The following TMOD2 variants were observed in gnomAD, a reference collection of about 807,000 sequenced individuals.
TMOD2 encodes tropomodulin-2.
In TMOD2, 22 loss-of-function variants were observed where a neutral mutation model predicts 39.9. That is an observed-to-expected ratio of 0.55 (90% confidence interval 0.39 to 0.79). The LOEUF (loss-of-function observed/expected upper bound fraction) is 0.79. TMOD2 is among the 30% of genes least tolerant of loss of function. TMOD2 has a pLI of 0.00. For missense variants in TMOD2, 386 were observed against 413.3 expected (o/e 0.93, Z 0.57); for synonymous variants, 123 against 146.1 (o/e 0.84, Z 1.14).
At position 51,812,790 on chromosome 15, in the gene TMOD2, A is replaced by G. The variant is rs2056164476; in HGVS notation, c.*4336A>G. On this transcript the variant is annotated 3_prime_UTR_variant, in exon 10 of 10. Transcript: ENST00000249700. The stretch of plus-strand genomic sequence containing the variant: ...GCTTCCTTCCCCTCTTCCACTAATG[A>G]TGCAATAATAGCTGTTTTCATTTTA... The G allele has an allele frequency of 6.6e-6, 1 of 152,190 alleles. No individual in the cohort carries two copies. The highest frequency in any genetic ancestry group is 6.5e-5 in the Admixed American group (1 of 15,274). The allele number at this position is 152,190 out of a possible 1,614,324, so 9.4% of individuals were successfully genotyped here. A position where few individuals can be genotyped will look rare whatever the true frequency, so the allele number is the denominator to read the frequency against.
intron 1 of TMOD2, among the ~76,000 whole-genome samples, chr15:51,754,514 G>A (rs923758628): frequency 6.6e-6 from 1 of 152,152 alleles, no homozygotes; most frequent in African/African-American, 2.4e-5. Flanking sequence ...TCTCTTACAC[G>A]GAATCCCTTG....
chr15:51,778,489 TAATAAAA>T (rs1337968963), intron 5 of TMOD2, among the ~76,000 whole-genome samples: 1 of 127,222 alleles, frequency 7.9e-6, no homozygotes, highest in Non-Finnish European at 1.6e-5. Flanking sequence ...AGTATAATAA[TAATAAAA>T]AATTAAAAAT....
intron 1 of TMOD2, among the ~76,000 whole-genome samples, chr15:51,760,117 C>A (rs577171455): frequency 6.6e-6 from 1 of 152,322 alleles, no homozygotes; most frequent in African/African-American, 2.4e-5. Flanking sequence ...ACAGCCAGAA[C>A]AATCATCCTG....
At chr15:51,781,707 A>G (rs893691016) in intron 6 of TMOD2, among the ~76,000 whole-genome samples, 3 of 152,180 alleles carry the variant, frequency 2.0e-5, no homozygotes, top group Non-Finnish European at 4.4e-5. Flanking sequence ...AGGAAGCCAC[A>G]ATACCTGTTA....
chr15:51,763,674 T>C (rs2055797054), intron 1 of TMOD2, among the ~76,000 whole-genome samples: 1 of 152,206 alleles, frequency 6.6e-6, no homozygotes, highest in South Asian at 2.1e-4. Flanking sequence ...GCTTTCTAAA[T>C]TTTAAAAGAG....
At chr15:51,780,551 T>C (rs1050382181) in intron 5 of TMOD2, among the ~76,000 whole-genome samples, 1 of 152,212 alleles carries the variant, frequency 6.6e-6, no homozygotes, top group African/African-American at 2.4e-5. Context: ...TCCATTCTTC[T>C]TTTTTATCCC....
chr15:51,802,444 G>A (rs1181341355), intron 8 of TMOD2, among the ~76,000 whole-genome samples: 1 of 152,180 alleles, frequency 6.6e-6, no homozygotes, highest in Non-Finnish European at 1.5e-5. Context: ...GTGTGGATTT[G>A]TCTTTTATTG....
intron 2 of TMOD2, among the ~76,000 whole-genome samples, 173 bp from the exon 3 acceptor site, chr15:51,768,089 A>T (rs1316824907): frequency 6.6e-6 from 1 of 152,206 alleles, no homozygotes; most frequent in Non-Finnish European, 1.5e-5. Context: ...TGAACATTAT[A>T]ACAAATAGGG....
chr15:51,761,768 T>C (rs2055782514), intron 1 of TMOD2, among the ~76,000 whole-genome samples: 1 of 151,600 alleles, frequency 6.6e-6, no homozygotes, highest in Non-Finnish European at 1.5e-5. Context: ...AACTCTAAGA[T>C]ACCATTGATT....
At chr15:51,773,870 T>C (rs758435252) in intron 4 of TMOD2, 36 bp downstream of exon 4, 2 of 1,580,430 alleles carry the variant, frequency 1.3e-6, no homozygotes, top group East Asian at 2.2e-5. Flanking sequence ...CCTGTCTGGC[T>C]CTATGACCTC....
At chr15:51,752,191 T>A (rs966151512) in intron 1 of TMOD2, among the ~76,000 whole-genome samples, 2 of 152,148 alleles carry the variant, frequency 1.3e-5, no homozygotes, top group Non-Finnish European at 2.9e-5. Flanking sequence ...CTGAGATCGC[T>A]GGAGCTGTCA....
intron 8 of TMOD2, among the ~76,000 whole-genome samples, chr15:51,799,933 T>C (rs1013701858): frequency 1.3e-5 from 2 of 152,170 alleles, no homozygotes; most frequent in Non-Finnish European, 2.9e-5. Context: ...TGAAACCCCA[T>C]ATCTGAAATA....
intron 8 of TMOD2, among the ~76,000 whole-genome samples, chr15:51,801,233 T>TCACACACACACACACACACA (rs1334489026): frequency 1.0e-5 from 1 of 97,086 alleles, no homozygotes; most frequent in African/African-American, 4.5e-5. Context: ...TCTCTCTCTC[T>TCACACACACACACACACACA]CTCTCACACA....
rs80259836 is a variant in TMOD2, at chr15:51,760,511, A to G, written c.-69-5862A>G. ...TCCAAAATGGTCTTTCTATTTTTAAATCCTTAATCTGGGCTGGGCGTGGTG... is the reference window on the plus strand; with the variant it reads ...TCCAAAATGGTCTTTCTATTTTTAAGTCCTTAATCTGGGCTGGGCGTGGTG... On this transcript the variant is annotated intron_variant, in intron 1 of 9. Coordinates refer to ENST00000249700, the MANE Select transcript of TMOD2 (RefSeq NM_014548.4). Among the ~76,000 whole-genome samples the G allele has an allele frequency of 8.5e-3, 1,300 of 152,356 alleles. 17 individuals carry two copies. Among genetic ancestry groups the G allele is most frequent in the African/African-American group, 0.03 (1,252 of 41,584 alleles).
intron 4 of TMOD2, among the ~76,000 whole-genome samples, chr15:51,776,423 C>T (rs1234989552): frequency 6.6e-6 from 1 of 152,160 alleles, no homozygotes; most frequent in Non-Finnish European, 1.5e-5. Flanking sequence ...GCTTAGCTGA[C>T]CTTTTCTTTG....
chr15:51,762,847 G>C (rs2055790591), intron 1 of TMOD2, among the ~76,000 whole-genome samples: 2 of 152,050 alleles, frequency 1.3e-5, no homozygotes, highest in Non-Finnish European at 1.5e-5. Flanking sequence ...TTATTTTGAG[G>C]TTCATCCATG....
chr15:51,811,092 G>A lies in TMOD2; in HGVS notation c.*2638G>A, dbSNP rs1391794795. On this transcript the variant is annotated 3_prime_UTR_variant, in exon 10 of 10. Transcript: ENST00000249700. ...TCTTATTACCTGTGTTTTTAAAGTG[G>A]CTTGAAAGGTGGCATTTCCATGAGT... The A allele has an allele frequency of 1.3e-5, 2 of 152,024 alleles. No homozygotes were observed. The highest frequency in any genetic ancestry group is 2.4e-5 in the African/African-American group (1 of 41,382). The allele number at this position is 152,024 out of a possible 1,614,324, so 9.4% of individuals were successfully genotyped here. A position where few individuals can be genotyped will look rare whatever the true frequency, so the allele number is the denominator to read the frequency against.
chr15:51,779,148 A>T (rs2055912293), intron 5 of TMOD2, among the ~76,000 whole-genome samples: 1 of 152,054 alleles, frequency 6.6e-6, no homozygotes, highest in Non-Finnish European at 1.5e-5. Flanking sequence ...TTTTGTAGAG[A>T]CAGGATCTTG....
intron 6 of TMOD2, among the ~76,000 whole-genome samples, chr15:51,782,036 G>A (rs2055934360): frequency 6.6e-6 from 1 of 152,100 alleles, no homozygotes; most frequent in Non-Finnish European, 1.5e-5. Context: ...GTGCAGCCAG[G>A]ACTCTTCTCC....
Sources: gnomAD v4.1 joint callset for allele counts (sites outside exome capture counted in the v4.1 genomes callset) on GRCh38, gnomAD v4.1.1 for gene constraint, MANE v1.5 for transcripts, NCBI Gene and HGNC (gene_info 2026-07-23, HGNC 2026-07-21) for gene names.